Variants in MYBPC1 observed in about 807,000 individuals in gnomAD.
MYBPC1 encodes the protein myosin-binding protein C, slow-type.
In MYBPC1, 52 loss-of-function variants were observed where a neutral mutation model predicts 147.1. The ratio of observed to expected loss-of-function variants is 0.35; its 90% CI spans 0.28 to 0.45. The LOEUF is 0.45. MYBPC1 is among the 20% of genes least tolerant of loss of function. The pLI, the probability that MYBPC1 is intolerant of heterozygous loss-of-function variation, is 1.00. For synonymous variants in MYBPC1, 477 were observed against 475.9 expected (o/e 1.00, Z -0.03); for missense variants, 1,228 against 1,440.3 (o/e 0.85, Z 2.39).
intron 1 of MYBPC1, among the ~76,000 whole-genome samples, chr12:101,608,226 T>C (rs1057061032): frequency 6.6e-6 from 1 of 152,228 alleles, no homozygotes; most frequent in Admixed American, 6.5e-5. Context: ...CAGCCGCCCT[T>C]GCCCAGGAAA....
chr12:101,694,511 A>T, the MYBPC1 span, among the ~76,000 whole-genome samples: 2 of 152,086 alleles, frequency 1.3e-5, no homozygotes, highest in Non-Finnish European at 1.5e-5. Flanking sequence ...GGCCTTCATG[A>T]TGGGATTAGT....
At chr12:101,694,229 A>G in the MYBPC1 span, among the ~76,000 whole-genome samples, 1 of 152,176 alleles carries the variant, frequency 6.6e-6, no homozygotes. Context: ...CTTCCTTTCT[A>G]TCAGGAGTAA....
chr12:101,646,177 T>C (rs1055672347), intron 12 of MYBPC1, among the ~76,000 whole-genome samples: 1 of 152,062 alleles, frequency 6.6e-6, no homozygotes, highest in Non-Finnish European at 1.5e-5. Context: ...AAATAGCAAA[T>C]ATGTGAGTAC....
At chr12:101,642,694 T>C in intron 11 of MYBPC1, 109 bp downstream of exon 11, 1 of 1,274,356 alleles carries the variant, frequency 7.8e-7, no homozygotes, top group Non-Finnish European at 1.1e-6. Flanking sequence ...GGGTTGGGAG[T>C]GGGGCTGGGT....
Position 101,631,593 on chromosome 12 carries a change from C to T in MYBPC1, c.312C>T (p.Ala104=). Residue 104 remains alanine, a synonymous_variant, in exon 7 of 32, where the codon GCC becomes GCT. Coordinates refer to ENST00000361466, the MANE Select transcript of MYBPC1 (RefSeq NM_002465.4). The part of the protein sequence containing the change: ...VKVGEDITFI[A]KVKAEDLLRK... ...TAGGTGAAGATATCACCTTCATAGC[C>T]AAAGTCAAGGCTGAAGATCTTCTGA... The T allele has an allele frequency of 6.2e-7, 1 of 1,614,072 alleles. No homozygotes were observed. Among genetic ancestry groups the T allele is most frequent in the African/African-American group, 1.3e-5 (1 of 75,040 alleles).
intron 8 of MYBPC1, among the ~76,000 whole-genome samples, chr12:101,634,323 C>A (rs1447898980): frequency 1.3e-5 from 2 of 152,186 alleles, no homozygotes; most frequent in African/African-American, 4.8e-5. Context: ...TTCTAGTGGG[C>A]AGACAAGTTG....
At chr12:101,694,996 C>G in the MYBPC1 span, among the ~76,000 whole-genome samples, 1 of 152,134 alleles carries the variant, frequency 6.6e-6, no homozygotes, top group Admixed American at 6.5e-5. Context: ...GATACATGTG[C>G]AAGAATTTCT....
chr12:101,639,589 G>T (rs1200955879), intron 10 of MYBPC1, among the ~76,000 whole-genome samples: 1 of 152,208 alleles, frequency 6.6e-6, no homozygotes, highest in Non-Finnish European at 1.5e-5. Flanking sequence ...TGTGATAAGA[G>T]TGGAGAGTAT....
chr12:101,675,373 A>T lies in MYBPC1; in HGVS notation c.2891A>T (p.Asp964Val). 2 of 1,614,138 alleles carry T rather than the reference A, an allele frequency of 1.2e-6. No individual in the cohort carries two copies. The highest frequency in any genetic ancestry group is 1.7e-6 in the Non-Finnish European group (2 of 1,179,964). ...GCTCTCACATGGACTCCACCAAAGG[A>T]TGATGGAAATGCTGCTATCACAGGC... ...NVALTWTPPK[D>V]DGNAAITGYT... Residue 964 changes from aspartate (D) to valine (V), a missense_variant, in exon 26 of 32, where the codon GAT becomes GTT. By Grantham distance (152) the Asp-to-Val change is radical. Around this residue, in one of 2 missense-constraint regions of MYBPC1, gnomAD observed 1,077 missense variants for 1,314.2 expected, o/e 0.82. Transcript: ENST00000361466.
Position 101,629,465 on chromosome 12 carries a change from G to A in MYBPC1, c.210G>A (p.Glu70=). 6.2e-7 allele frequency: 1 copy of A among 1,613,814 alleles called. No individual in the cohort carries two copies. Among genetic ancestry groups the A allele is most frequent in the Non-Finnish European group, 8.5e-7 (1 of 1,179,830 alleles). ...CCCTTGTCGAAACTCCTCCTGGGGA[G>A]GAACAAGCCAAGCAGAATGCCAACT... ...DWTLVETPPG[E]EQAKQNANSQ... The change falls in exon 6 of 32, where the codon GAG becomes GAA. Residue 70 remains glutamate, a synonymous_variant. Coordinates refer to ENST00000361466, the MANE Select transcript of MYBPC1 (RefSeq NM_002465.4).
downstream of MYBPC1, among the ~76,000 whole-genome samples, chr12:101,687,277 A>G (rs59625998): frequency 1.3e-5 from 2 of 151,656 alleles, no homozygotes; most frequent in African/African-American, 4.9e-5. Context: ...CCTGTGTCCA[A>G]GTGTTCTCAT....
chr12:101,692,503 T>C, the MYBPC1 span, among the ~76,000 whole-genome samples: 2 of 152,190 alleles, frequency 1.3e-5, no homozygotes, highest in Admixed American at 6.5e-5. Context: ...TGTGCAGCCA[T>C]GGGTAAGTTT....
At chr12:101,633,465 G>A (rs1291654216) in intron 8 of MYBPC1, among the ~76,000 whole-genome samples, 3 of 152,116 alleles carry the variant, frequency 2.0e-5, no homozygotes. Flanking sequence ...GGGGCGGGCA[G>A]ATCACGAGGA....
intron 22 of MYBPC1, 40 bp downstream of exon 22, chr12:101,663,600 T>C (rs764242302): frequency 1.9e-6 from 3 of 1,600,944 alleles, no homozygotes; most frequent in South Asian, 2.2e-5. Context: ...CTGTCATCAA[T>C]AGGTGAGATA....
At chr12:101,597,332 C>G (rs1169466867) in intron 1 of MYBPC1, among the ~76,000 whole-genome samples, 1 of 152,178 alleles carries the variant, frequency 6.6e-6, no homozygotes, top group Non-Finnish European at 1.5e-5. Flanking sequence ...GCTCGTAAAG[C>G]CATGCCCAGG....
intron 31 of MYBPC1, among the ~76,000 whole-genome samples, chr12:101,684,845 G>T (rs2136959497): frequency 6.6e-6 from 1 of 152,248 alleles, no homozygotes; most frequent in East Asian, 1.9e-4. Context: ...TGTTCAAATG[G>T]CATGCTGCTT....
At chr12:101,600,580 C>T (rs915583362) in intron 1 of MYBPC1, 15 of 152,040 alleles carry the variant, frequency 9.9e-5, no homozygotes, top group Non-Finnish European at 1.6e-4. Flanking sequence ...GTAATTATTG[C>T]TATTGTTTTT....
Position 101,668,538 on chromosome 12 carries a change from G to A in MYBPC1, c.2524+639G>A, listed in dbSNP as rs190123597. Among the ~76,000 whole-genome samples, 263 of 152,170 alleles carry A rather than the reference G, an allele frequency of 1.7e-3. 1 individual carries two copies. Among genetic ancestry groups the A allele is most frequent in the Non-Finnish European group, 3.3e-3 (227 of 68,018 alleles). On this transcript the variant is annotated intron_variant, in intron 23 of 31. Coordinates refer to ENST00000361466, the MANE Select transcript of MYBPC1 (RefSeq NM_002465.4). ...GTGCAATGGCACAATCTTGGCCACTGCAACCTCTGCCTCCCGGGTTCAAGC... is the reference window on the plus strand; with the variant it reads ...GTGCAATGGCACAATCTTGGCCACTACAACCTCTGCCTCCCGGGTTCAAGC...
In MYBPC1 at chr12:101,682,626, C is replaced by T. The variant is rs1047441029; in HGVS notation, c.3456C>T (p.Thr1152=). 5.6e-6 allele frequency: 9 copies of T among 1,612,982 alleles called. 1 individual carries two copies. The highest frequency in any genetic ancestry group is 1.7e-4 in the Middle Eastern group (1 of 6,060). The stretch of plus-strand genomic sequence containing the variant: ...CAGTGATATATCAAGGAGTAAATAC[C>T]CCTGGACAACCAGTCTTCCTGGAGG... ...EVKVIYQGVN[T]PGQPVFLEGQ... Residue 1152 remains threonine (T), a synonymous_variant, in exon 30 of 32, where the codon ACC becomes ACT. Transcript: ENST00000361466.
Sources: gnomAD v4.1 joint callset for allele counts (sites outside exome capture counted in the v4.1 genomes callset) on GRCh38, gnomAD v4.1.1 for gene constraint, gnomAD v4.1.1 regional missense constraint, MANE v1.5 for transcripts, NCBI Gene and HGNC (gene_info 2026-07-23, HGNC 2026-07-21) for gene names.